MTAP: variants seen among roughly 807,000 people sequenced by gnomAD.
MTAP encodes the protein methylthioadenosine phosphorylase.
Under a neutral mutation model 33.6 loss-of-function variants are expected in MTAP, and 33 were observed. The observed-to-expected ratio is 0.98, with a 90% confidence interval of 0.74 to 1.31. MTAP has a LOEUF of 1.31. Among genes scored for constraint, MTAP ranks in the 40% most tolerant of loss-of-function variants. The probability of loss-of-function intolerance (pLI) is 0.00; values close to 1 mark genes in which losing one functional copy is unlikely to be tolerated. For synonymous variants in MTAP, 148 were observed against 125.7 expected (o/e 1.18, Z -1.19); for missense variants, 367 against 360.0 (o/e 1.02, Z -0.16).
chr9:21,811,565 C>T (rs920888486), intron 1 of MTAP: 8 of 375,782 alleles, frequency 2.1e-5, no homozygotes, highest in African/African-American at 4.2e-5. Context: ...ACAGATTGTG[C>T]GTGAATAAAG....
At chr9:21,843,586 C>G (rs1825304458) in intron 5 of MTAP, among the ~76,000 whole-genome samples, 2 of 152,080 alleles carry the variant, frequency 1.3e-5, no homozygotes, top group Admixed American at 1.3e-4. Flanking sequence ...AAATTAACTC[C>G]AAGAAGAATC....
intron 4 of MTAP, among the ~76,000 whole-genome samples, chr9:21,826,785 G>A (rs967564072): frequency 6.6e-6 from 1 of 151,984 alleles, no homozygotes; most frequent in Admixed American, 6.6e-5. Flanking sequence ...TCTAGGTCAG[G>A]GATCCCCCAC....
chr9:21,904,236 C>T (rs1462947127), intron 1 of MTAP, among the ~76,000 whole-genome samples: 6 of 152,194 alleles, frequency 3.9e-5, no homozygotes, highest in Admixed American at 2.0e-4. Context: ...GTCCTCTCCA[C>T]GTTCAGCCGC....
chr9:21,921,641 C>G lies in MTAP; in HGVS notation c.148-9367C>G, dbSNP rs114138142. ...GTAGATTTTGATTATCATGCAGAGC[C>G]TTACAAGAGACTCAATAAATCAAAA... On this transcript the variant is annotated intron_variant, in intron 1 of 1. Transcript: ENST00000577563. Among the ~76,000 whole-genome samples, 1,449 of 152,218 alleles carry G rather than the reference C, an allele frequency of 9.5e-3. 17 individuals carry two copies. Among genetic ancestry groups the G allele is most frequent in the African/African-American group, 0.033 (1,377 of 41,512 alleles).
intron 4 of MTAP, among the ~76,000 whole-genome samples, chr9:21,820,312 T>C (rs1038506021): frequency 6.6e-6 from 1 of 152,228 alleles, no homozygotes; most frequent in African/African-American, 2.4e-5. Flanking sequence ...CTTGAATTAA[T>C]TTTTGTATAA....
chr9:21,870,207 G>A (rs77068755), downstream of MTAP, among the ~76,000 whole-genome samples: 849 of 152,266 alleles, frequency 5.6e-3, 16 homozygotes, highest in East Asian at 0.053. Flanking sequence ...CATGCCCAAA[G>A]TACTCCTAAG....
intron 1 of MTAP, among the ~76,000 whole-genome samples, chr9:21,917,598 T>G (rs1048122810): frequency 6.6e-6 from 1 of 152,166 alleles, no homozygotes; most frequent in Admixed American, 6.5e-5. Context: ...GCAATAGATG[T>G]TGGCATGGAT....
intron 1 of MTAP, among the ~76,000 whole-genome samples, chr9:21,920,302 A>C (rs1818767217): frequency 6.6e-6 from 1 of 152,182 alleles, no homozygotes; most frequent in African/African-American, 2.4e-5. Context: ...ACCTAAGAAG[A>C]CTGTAAGATA....
At chr9:21,827,031 C>T (rs10965151) in intron 4 of MTAP, among the ~76,000 whole-genome samples, 3 of 152,278 alleles carry the variant, frequency 2.0e-5, no homozygotes, top group East Asian at 3.9e-4. Flanking sequence ...AAACCATCCC[C>T]TCTGACCCTC....
chr9:21,818,282 G>C, intron 4 of MTAP, 80 bp downstream of exon 4: 1 of 1,262,252 alleles, frequency 7.9e-7, no homozygotes, highest in African/African-American at 1.5e-5. Context: ...GGAACCGGCA[G>C]GGCAACTGGG....
chr9:21,815,401 A>G, intron 1 of MTAP, 32 bp from the exon 2 acceptor site: 2 of 1,410,160 alleles, frequency 1.4e-6, no homozygotes, highest in South Asian at 1.3e-5. Context: ...ATTACCAAAT[A>G]CAATAATCTT....
intron 1 of MTAP, among the ~76,000 whole-genome samples, chr9:21,891,625 A>G (rs1425351229): frequency 1.3e-5 from 2 of 152,322 alleles, no homozygotes. Flanking sequence ...GTGGGGTTAT[A>G]TAAAGGGACC....
At chr9:21,882,933 G>T (rs1818038606) in intron 1 of MTAP, among the ~76,000 whole-genome samples, 1 of 151,790 alleles carries the variant, frequency 6.6e-6, no homozygotes, top group South Asian at 2.1e-4. Flanking sequence ...AGCCAAATAT[G>T]TTCAGAGGGA....
At chr9:21,879,413 C>T (rs111668892) in intron 1 of MTAP, among the ~76,000 whole-genome samples, 11 of 152,098 alleles carry the variant, frequency 7.2e-5, no homozygotes, top group African/African-American at 2.4e-4. Flanking sequence ...GTATATTTTC[C>T]GCCATCCCTT....
intron 1 of MTAP, among the ~76,000 whole-genome samples, chr9:21,809,368 G>A (rs372480472): frequency 1.3e-5 from 2 of 152,114 alleles, no homozygotes; most frequent in African/African-American, 2.4e-5. Flanking sequence ...GGCCGGGCGC[G>A]GTGGCTCATG....
chr9:21,815,327 T>C, intron 1 of MTAP, 106 bp from the exon 2 acceptor site: 4 of 685,742 alleles, frequency 5.8e-6, no homozygotes, highest in Non-Finnish European at 9.5e-6. Context: ...TAACTAGGGC[T>C]TGGCAGGAAT....
At chr9:21,897,426 A>C (rs1001611086) in intron 1 of MTAP, among the ~76,000 whole-genome samples, 2 of 152,220 alleles carry the variant, frequency 1.3e-5, no homozygotes, top group Non-Finnish European at 2.9e-5. Flanking sequence ...AATGAGGAAA[A>C]GAGGAAGTCA....
In MTAP at chr9:21,883,851, C is replaced by G. The variant is rs561142723; in HGVS notation, c.147+28981C>G. Among the ~76,000 whole-genome samples the G allele has an allele frequency of 2.0e-5, 3 of 151,966 alleles. No individual in the cohort carries two copies. The East Asian group carries it at 5.8e-4, about 29-fold the overall frequency. On this transcript the variant is annotated intron_variant, in intron 1 of 1. Coordinates refer to the MTAP transcript ENST00000577563. ...ATGAAAGCAGAAGACCAGAGCATAC[C>G]CATACACACTAGCCCGCACAGGAAG...
downstream of MTAP, chr9:21,931,731 C>T (rs1291552861): frequency 6.6e-6 from 1 of 152,258 alleles, no homozygotes; most frequent in Admixed American, 6.5e-5. Context: ...AAACAGGGCA[C>T]TTGGATTTCT....
Sources: allele counts gnomAD v4.1 joint callset (sites outside exome capture counted in the v4.1 genomes callset), GRCh38; gene constraint gnomAD v4.1.1; transcripts MANE v1.5; gene names NCBI Gene and HGNC (gene_info 2026-07-23, HGNC 2026-07-21).